The following SLC9C2 variants were observed in gnomAD, a reference collection of about 807,000 sequenced individuals.
SLC9C2 encodes the protein sodium/hydrogen exchanger 11.
SLC9C2 carries 75 observed loss-of-function variants against 140.2 expected under a neutral mutation model. That is an observed-to-expected ratio of 0.53 (90% CI 0.44 to 0.65). The LOEUF (loss-of-function observed/expected upper bound fraction) is 0.65, where lower values mean the gene tolerates loss of function less well. Ranked by LOEUF, SLC9C2 falls within the 30% of genes least tolerant of loss-of-function variation. The probability of loss-of-function intolerance (pLI) is 0.00; values close to 1 mark genes in which losing one functional copy is unlikely to be tolerated. For missense variants in SLC9C2, 1,074 were observed against 1,331.8 expected, an observed-to-expected ratio of 0.81 and a Z score of 3.01; for synonymous variants, 375 against 420.9, an observed-to-expected ratio of 0.89 and a Z score of 1.34.
At chr1:173,578,816 T>C (rs1187380779) in intron 7 of SLC9C2, among the ~76,000 whole-genome samples, 2 of 152,208 alleles carry the variant, frequency 1.3e-5, no homozygotes, top group Non-Finnish European at 2.9e-5. Context: ...TTCCCCTTTT[T>C]ATAAGGATAC....
intron 22 of SLC9C2, among the ~76,000 whole-genome samples, chr1:173,519,646 C>A (rs2101939126): frequency 6.6e-6 from 1 of 152,310 alleles, no homozygotes; most frequent in Non-Finnish European, 1.5e-5. Flanking sequence ...CAGCAAGTTG[C>A]AGCTTTTAAG....
At chr1:173,590,962 T>A (rs1391438956) in intron 4 of SLC9C2, among the ~76,000 whole-genome samples, 1 of 152,214 alleles carries the variant, frequency 6.6e-6, no homozygotes, top group Non-Finnish European at 1.5e-5. Context: ...GGTAAACTTG[T>A]GTCATGGGGG....
At chr1:173,520,674 A>G (rs1033781421) in intron 22 of SLC9C2, among the ~76,000 whole-genome samples, 7 of 152,224 alleles carry the variant, frequency 4.6e-5, no homozygotes, top group African/African-American at 1.2e-4. Flanking sequence ...TTAGTATTCT[A>G]TTTATTATGG....
intron 7 of SLC9C2, among the ~76,000 whole-genome samples, chr1:173,579,362 T>C (rs1174984108): frequency 6.6e-6 from 1 of 152,190 alleles, no homozygotes; most frequent in Non-Finnish European, 1.5e-5. Flanking sequence ...TCAGCCACAG[T>C]AGATGTATTT....
intron 23 of SLC9C2, among the ~76,000 whole-genome samples, chr1:173,511,019 CTTTCT>C (rs1263156172): frequency 7.7e-6 from 1 of 129,598 alleles, no homozygotes; most frequent in African/African-American, 3.1e-5. Flanking sequence ...ATTTTTTTTC[CTTTCT>C]TTTCCTTTTT....
At chr1:173,575,348 TG>T (rs1385205010) in intron 8 of SLC9C2, among the ~76,000 whole-genome samples, 2 of 151,972 alleles carry the variant, frequency 1.3e-5, no homozygotes, top group African/African-American at 4.8e-5. Context: ...GTCGAATGGG[TG>T]AAAAAATAAA....
intron 5 of SLC9C2, among the ~76,000 whole-genome samples, chr1:173,584,117 T>C (rs1205642043): frequency 6.6e-6 from 1 of 152,144 alleles, no homozygotes; most frequent in African/African-American, 2.4e-5. Context: ...TATCAGCTGA[T>C]AAATGAATAA....
At chr1:173,505,860 A>C (rs1289365038) in intron 25 of SLC9C2, among the ~76,000 whole-genome samples, 1 of 152,150 alleles carries the variant, frequency 6.6e-6, no homozygotes, top group Non-Finnish European at 1.5e-5. Context: ...CATGAAGGAA[A>C]TTGAGGGTCA....
chr1:173,581,640 C>T (rs1479183877), intron 7 of SLC9C2, among the ~76,000 whole-genome samples: 1 of 151,606 alleles, frequency 6.6e-6, no homozygotes, highest in African/African-American at 2.4e-5. Flanking sequence ...CCACAGAGAA[C>T]AGTGCAAGGA....
chr1:173,550,760 T>G (rs1003383509), intron 11 of SLC9C2, among the ~76,000 whole-genome samples: 1 of 151,362 alleles, frequency 6.6e-6, no homozygotes, highest in African/African-American at 2.4e-5. Context: ...TTTTTTTAAA[T>G]GAAGAAGAAC....
intron 4 of SLC9C2, among the ~76,000 whole-genome samples, chr1:173,589,993 A>G (rs759252496): frequency 2.6e-5 from 4 of 152,244 alleles, no homozygotes; most frequent in Non-Finnish European, 5.9e-5. Flanking sequence ...CTACAATCCC[A>G]GCACTCTGGG....
chr1:173,565,960 T>C (rs546951402), intron 9 of SLC9C2, among the ~76,000 whole-genome samples: 1 of 152,282 alleles, frequency 6.6e-6, no homozygotes, highest in East Asian at 1.9e-4. Flanking sequence ...CTTCATTCTG[T>C]TGATATGATG....
intron 8 of SLC9C2, among the ~76,000 whole-genome samples, chr1:173,573,946 T>C (rs1664998567): frequency 6.6e-6 from 1 of 152,194 alleles, no homozygotes; most frequent in Non-Finnish European, 1.5e-5. Context: ...TCTGCACTAA[T>C]GTAGTTTTTA....
intron 17 of SLC9C2, among the ~76,000 whole-genome samples, chr1:173,530,868 A>G (rs1472859397): frequency 6.6e-6 from 1 of 152,182 alleles, no homozygotes; most frequent in Non-Finnish European, 1.5e-5. Context: ...AGATGGCATC[A>G]TAGTGAAGGA....
chr1:173,515,605 A>C, intron 23 of SLC9C2, among the ~76,000 whole-genome samples: 1 of 152,176 alleles, frequency 6.6e-6, no homozygotes, highest in East Asian at 1.9e-4. Context: ...CGGTTTGAAC[A>C]TGCTCCTTTA....
At chr1:173,520,611 T>A (rs1040513085) in intron 22 of SLC9C2, among the ~76,000 whole-genome samples, 1 of 152,182 alleles carries the variant, frequency 6.6e-6, no homozygotes. Context: ...AGTGAATGAA[T>A]GAATGAAAAG....
At chr1:173,597,446 C>T (rs1438137405) in intron 4 of SLC9C2, among the ~76,000 whole-genome samples, 1 of 151,590 alleles carries the variant, frequency 6.6e-6, no homozygotes, top group Non-Finnish European at 1.5e-5. Context: ...CAGAATAAAA[C>T]CAAAATAAAA....
rs375712484 is a variant in SLC9C2, at chr1:173,554,784, A to G, written c.1246T>C (p.Leu416=). ...FILYVQVISL[L]TMGINSYVMT... ...ACGTATGAATTTATTCCCATTGTCA[A>G]TAATGATATTACTTGTACATAGAGT... The change falls in exon 11 of 28, where the codon TTG becomes CTG. Residue 416 remains leucine (L), a synonymous_variant. Transcript: ENST00000367714. 5.6e-6 allele frequency: 9 copies of G among 1,607,730 alleles called. No homozygotes were observed. The highest frequency in any genetic ancestry group is 2.2e-5 in the East Asian group (1 of 44,812).
At position 173,547,718 on chromosome 1, in the gene SLC9C2, C is replaced by T. The variant is rs1195658799; in HGVS notation, c.1528G>A (p.Ala510Thr). 2 of 1,612,642 alleles carry T rather than the reference C, an allele frequency of 1.2e-6. No homozygotes were observed. The highest frequency in any genetic ancestry group is 1.7e-5 in the Admixed American group (1 of 59,968). Residue 510 changes from alanine (A) to threonine (T), a missense_variant, in exon 13 of 28, where the codon GCC becomes ACC. Coordinates refer to ENST00000367714, the MANE Select transcript of SLC9C2 (RefSeq NM_178527.4). ...TGTATTGCAGCTACATGCAATCTGG[C>T]TTCCTCCATTAAAGCTTCATCTGTT... The part of the protein sequence containing the change: ...STTDEALMEE[A>T]RLHVAAIQMS...
Sources: allele counts gnomAD v4.1 joint callset (sites outside exome capture counted in the v4.1 genomes callset), GRCh38; gene constraint gnomAD v4.1.1; transcripts MANE v1.5; gene names NCBI Gene and HGNC (gene_info 2026-07-23, HGNC 2026-07-21).